Variants in ZSCAN32 observed in about 807,000 individuals in gnomAD.
The protein encoded by ZSCAN32 is zinc finger and SCAN domain containing 32.
Under a neutral mutation model 47.4 loss-of-function variants are expected in ZSCAN32, and 52 were observed. The observed-to-expected ratio is 1.10, with a 90% CI of 0.88 to 1.38. The LOEUF is 1.38. Among genes scored for constraint, ZSCAN32 ranks in the 40% most tolerant of loss-of-function variants. ZSCAN32 has a pLI of 0.00. For missense variants in ZSCAN32, 959 were observed against 846.0 expected (o/e 1.13, Z -1.66); for synonymous variants, 346 against 305.7 (o/e 1.13, Z -1.38).
chr16:3,393,619 C>A, intron 3 of ZSCAN32, 30 bp downstream of exon 3: 1 of 1,502,908 alleles, frequency 6.7e-7, no homozygotes, highest in African/African-American at 1.4e-5. Flanking sequence ...TCCTCACCTG[C>A]CTCAGGTGAG....
chr16:3,390,594 C>T (rs1321737008), intron 3 of ZSCAN32, 77 bp from the exon 4 acceptor site: 1 of 1,210,524 alleles, frequency 8.3e-7, no homozygotes, highest in East Asian at 2.7e-5. Context: ...AAGTGGGCTC[C>T]TGGGCCAGCC....
intron 3 of ZSCAN32, among the ~76,000 whole-genome samples, chr16:3,391,389 TA>T: frequency 6.6e-6 from 1 of 152,140 alleles, no homozygotes; most frequent in East Asian, 1.9e-4. Flanking sequence ...AAAAAAAAAC[TA>T]AAATCAGCCG....
At position 3,397,667 on chromosome 16, in the gene ZSCAN32, G is replaced by A. The variant is rs1184115998; in HGVS notation, c.-110C>T. On this transcript the variant is annotated 5_prime_UTR_variant, in exon 2 of 7. An upstream open reading frame in the 5' UTR gains an earlier in-frame stop. Coordinates refer to ENST00000396852, the MANE Select transcript of ZSCAN32 (RefSeq NM_001284527.2). ...GTTCTCCTGCAAGGAATGTCTTTCTGTAATCCGTGGGACATGAGAGTGTCA... is the reference window on the plus strand; with the variant it reads ...GTTCTCCTGCAAGGAATGTCTTTCTATAATCCGTGGGACATGAGAGTGTCA... 1.9e-5 allele frequency: 26 copies of A among 1,374,210 alleles called. No individual in the cohort carries two copies. The South Asian group carries it at 2.3e-4, about 12-fold the overall frequency. 85.1% of individuals were successfully genotyped at this position (1,374,210 alleles called of 1,614,324 possible).
intron 5 of ZSCAN32, among the ~76,000 whole-genome samples, chr16:3,386,047 T>C (rs1230988567): frequency 2.0e-5 from 3 of 152,214 alleles, no homozygotes; most frequent in Non-Finnish European, 4.4e-5. Context: ...TCTACTCATC[T>C]GACAAAGGGC....
In ZSCAN32 at chr16:3,393,229, A is replaced by AATAAATATAT. The variant is rs1567319899; in HGVS notation, c.532+419_532+420insATATATTTAT. Among the ~76,000 whole-genome samples, 53 of 7,342 alleles carry AATAAATATAT rather than the reference A, an allele frequency of 7.2e-3. 11 individuals are homozygous for AATAAATATAT. Among genetic ancestry groups the AATAAATATAT allele is most frequent in the African/African-American group, 0.048 (49 of 1,026 alleles). The allele number at this position is 7,342 out of a possible 152,430, so 4.8% of individuals were successfully genotyped here. A position where few individuals can be genotyped will look rare whatever the true frequency, so the allele number is the denominator to read the frequency against. On this transcript the variant is annotated intron_variant, in intron 3 of 6. Coordinates refer to ENST00000396852, the MANE Select transcript of ZSCAN32 (RefSeq NM_001284527.2). Reference sequence around the variant, plus strand: ...ATATTTATATATATATATATATATAAATTTATATATTTTATATATATATAT... The same window carrying AATAAATATAT: ...ATATTTATATATATATATATATATAAATAAATATATATTTATATATTTTATATATATATAT...
At position 3,382,952 on chromosome 16, in the gene ZSCAN32, T is replaced by G. The variant is rs144884509; in HGVS notation, c.1994A>C (p.His665Pro). Reference protein sequence around the residue: ...HTGEKPYRCSHCERGFTKNSA... With the variant: ...HTGEKPYRCSPCERGFTKNSA... The stretch of plus-strand genomic sequence containing the variant: ...GTTCTTAGTGAAGCCTCTCTCACAG[T>G]GAGAACACCTGTAAGGCTTTTCACC... The change falls in exon 7 of 7, where the codon CAC (histidine) becomes CCC (proline). Residue 665 changes from histidine (H) to proline (P), a missense_variant. Physicochemically the swap from His to Pro is moderately conservative, Grantham distance 77. Coordinates refer to ENST00000396852, the MANE Select transcript of ZSCAN32 (RefSeq NM_001284527.2). 9.6e-5 allele frequency: 155 copies of G among 1,613,904 alleles called. No homozygotes were observed. The highest frequency in any genetic ancestry group is 2.5e-4 in the Admixed American group (15 of 59,972).
chr16:3,392,118 G>A (rs915818293), intron 3 of ZSCAN32, among the ~76,000 whole-genome samples: 20 of 152,294 alleles, frequency 1.3e-4, no homozygotes, highest in African/African-American at 4.3e-4. Context: ...CATGAAAAGT[G>A]AAAGAAGGCA....
At position 3,388,554 on chromosome 16, in the gene ZSCAN32, C is replaced by T. The variant is rs562787912; in HGVS notation, c.751+1456G>A. 5.9e-5 allele frequency among the ~76,000 whole-genome samples: 9 copies of T among 152,282 alleles called. No individual in the cohort carries two copies. In the East Asian group the frequency reaches 1.7e-3, roughly 29 times the overall value. On this transcript the variant is annotated intron_variant, in intron 5 of 6. Coordinates refer to ENST00000396852, the MANE Select transcript of ZSCAN32 (RefSeq NM_001284527.2). The stretch of plus-strand genomic sequence containing the variant: ...GGGCAGGAATCTTTATCTGTTTGTT[C>T]ACTGTTGTATCCCTAACGACCTAGA...
At chr16:3,391,660 CAA>C (rs1394730020) in intron 3 of ZSCAN32, among the ~76,000 whole-genome samples, 2 of 117,882 alleles carry the variant, frequency 1.7e-5, no homozygotes, top group South Asian at 2.8e-4. Context: ...GCCTGGGCGA[CAA>C]GAGTGAAACT....
At chr16:3,393,391 A>G (rs1376592520) in intron 3 of ZSCAN32, among the ~76,000 whole-genome samples, 1 of 143,032 alleles carries the variant, frequency 7.0e-6, no homozygotes, top group African/African-American at 2.6e-5. Flanking sequence ...TGCCCAGCTA[A>G]TTTTTTGTAT....
chr16:3,383,834 T>A, intron 6 of ZSCAN32, 123 bp from the exon 7 acceptor site: 1 of 1,026,754 alleles, frequency 9.7e-7, no homozygotes, highest in Non-Finnish European at 1.3e-6. Context: ...TGATTAAGTC[T>A]CCTGCTAATT....
At position 3,397,388 on chromosome 16, in the gene ZSCAN32, T is replaced by C; in HGVS notation, c.170A>G (p.Lys57Arg). Reference sequence around the variant, plus strand: ...CCACTGACAACAGAGTTCCCAGAGTTTGCTAAAAGCTTCATGTGGGCCAGT... The same window carrying C: ...CCACTGACAACAGAGTTCCCAGAGTCTGCTAAAAGCTTCATGTGGGCCAGT... ...EVTGPHEAFS[K>R]LWELCCQWLR... Residue 57 changes from lysine (K) to arginine (R), a missense_variant, in exon 2 of 7, where the codon AAA (lysine) becomes AGA (arginine). Physicochemically the swap from Lys to Arg is conservative, Grantham distance 26. Coordinates refer to ENST00000396852, the MANE Select transcript of ZSCAN32 (RefSeq NM_001284527.2). 2.6e-6 allele frequency: 4 copies of C among 1,554,592 alleles called. No homozygotes were observed. Among genetic ancestry groups the C allele is most frequent in the East Asian group, 2.4e-5 (1 of 41,300 alleles).
chr16:3,384,697 A>G lies in ZSCAN32; in HGVS notation c.996T>C (p.Tyr332=). 6.2e-7 allele frequency: 1 copy of G among 1,614,192 alleles called. No homozygotes were observed. The highest frequency in any genetic ancestry group is 8.5e-7 in the Non-Finnish European group (1 of 1,180,030). The change falls in exon 6 of 7, where the codon TAT becomes TAC. Residue 332 remains tyrosine, a synonymous_variant. Transcript: ENST00000396852. ...AGCCTGAAAGAGCATTCATTTCCTC[A>G]TAAAAGATACAAGGCTCAGGCACAC... ...RGRVPEPCIF[Y]EEMNALSGSW...
In ZSCAN32 at chr16:3,383,334, G is replaced by C. The variant is rs150535613; in HGVS notation, c.1612C>G (p.Arg538Gly). ...KTFSRSSYLV[R>G]HQRIHTGEKP... Reference sequence around the variant, plus strand: ...TCGCCTGTGTGGATTCTTTGATGCCGAACAAGATAAGAACTTCGGCTAAAG... The same window carrying C: ...TCGCCTGTGTGGATTCTTTGATGCCCAACAAGATAAGAACTTCGGCTAAAG... The change falls in exon 7 of 7, where the codon CGG becomes GGG. Residue 538 changes from arginine (R) to glycine (G), a missense_variant. Arg to Gly is a moderately radical substitution (Grantham distance 125, BLOSUM62 -2). Transcript: ENST00000396852. The C allele has an allele frequency of 1.5e-5, 24 of 1,614,022 alleles. No individual in the cohort carries two copies. The highest frequency in any genetic ancestry group is 1.8e-5 in the Non-Finnish European group (21 of 1,180,048).
rs773449283 is a variant in ZSCAN32, at chr16:3,383,066, T to C, written c.1880A>G (p.His627Arg). ...ACACTTGTATGGGCTCTCCCCAGTGTGGATGCGCCGGTGAGCACTGAACTG... is the reference window on the plus strand; with the variant it reads ...ACACTTGTATGGGCTCTCCCCAGTGCGGATGCGCCGGTGAGCACTGAACTG... The part of the protein sequence containing the change: ...SSQFSAHRRI[H>R]TGESPYKCAV... The change falls in exon 7 of 7, where the codon CAC (histidine) becomes CGC (arginine). Residue 627 changes from histidine (H) to arginine (R), a missense_variant. Transcript: ENST00000396852. 1.2e-6 allele frequency: 2 copies of C among 1,614,084 alleles called. No individual in the cohort carries two copies. Among genetic ancestry groups the C allele is most frequent in the East Asian group, 2.2e-5 (1 of 44,894 alleles).
rs1321176935 is a variant in ZSCAN32, at chr16:3,385,240, C to T, written c.752-299G>A. On this transcript the variant is annotated intron_variant, in intron 5 of 6. Transcript: ENST00000396852. ...ACTCAGGAGGCTGAGGAAGAAGAAT[C>T]ACTTGAACCCAGGAGGCAGAGGTTG... 2.0e-5 allele frequency among the ~76,000 whole-genome samples: 3 copies of T among 152,236 alleles called. No individual in the cohort carries two copies. In the East Asian group the frequency reaches 5.8e-4, roughly 29 times the overall value.
chr16:3,385,389 A>G (rs936243792), intron 5 of ZSCAN32, among the ~76,000 whole-genome samples: 2 of 152,192 alleles, frequency 1.3e-5, no homozygotes, highest in Admixed American at 6.5e-5. Context: ...TATAGATTCA[A>G]TGCCATCCCC....
At position 3,384,761 on chromosome 16, in the gene ZSCAN32, T is replaced by C. The variant is rs1316518330; in HGVS notation, c.932A>G (p.Lys311Arg). 3 of 1,614,220 alleles carry C rather than the reference T, an allele frequency of 1.9e-6. No individual in the cohort carries two copies. Among genetic ancestry groups the C allele is most frequent in the Non-Finnish European group, 2.5e-6 (3 of 1,180,042 alleles). ...TTTGCGGTAACTCAACTGTAGGCTTTTGAACTTGGTGCGACACTGTTCTGG... is the reference window on the plus strand; with the variant it reads ...TTTGCGGTAACTCAACTGTAGGCTTCTGAACTTGGTGCGACACTGTTCTGG... Reference protein sequence around the residue: ...RTPEQCRTKFKSLQLSYRKVR... With the variant: ...RTPEQCRTKFRSLQLSYRKVR... Residue 311 changes from lysine (K) to arginine (R), a missense_variant, in exon 6 of 7, where the codon AAA becomes AGA. Transcript: ENST00000396852.
In ZSCAN32 at chr16:3,383,731, C is replaced by T; in HGVS notation, c.1235-20G>A. 1 of 1,558,822 alleles carries T rather than the reference C, an allele frequency of 6.4e-7. No individual in the cohort carries two copies. The highest frequency in any genetic ancestry group is 8.6e-7 in the Non-Finnish European group (1 of 1,165,110). ...CAAAACCTGAAAAAAAAAAACCCCA[C>T]AGAAATACAATGGACTATAGAGAAG... is the stretch of plus-strand genomic sequence containing the variant. On this transcript the variant is annotated intron_variant, in intron 6 of 6. Coordinates refer to ENST00000396852, the MANE Select transcript of ZSCAN32 (RefSeq NM_001284527.2).
Sources: gnomAD v4.1 joint callset for allele counts (sites outside exome capture counted in the v4.1 genomes callset) on GRCh38, gnomAD v4.1.1 for gene constraint, MANE v1.5 for transcripts, NCBI Gene and HGNC (gene_info 2026-07-23, HGNC 2026-07-21) for gene names.